SYNE2: variants seen among roughly 807,000 people sequenced by gnomAD.
The protein encoded by SYNE2 is nesprin-2.
A neutral mutation model predicts 856.3 loss-of-function variants in SYNE2; 431 were observed. The ratio of observed to expected loss-of-function variants is 0.50; its 90% CI spans 0.47 to 0.55. SYNE2 has a LOEUF of 0.55. Ranked by LOEUF, SYNE2 falls within the 20% of genes least tolerant of loss-of-function variation. The pLI is 0.00. For synonymous variants in SYNE2, 2,923 were observed against 2,872.3 expected, an observed-to-expected ratio of 1.02 and a Z score of -0.56; for missense variants, 8,129 against 8,023.2, an observed-to-expected ratio of 1.01 and a Z score of -0.50.
intron 45 of SYNE2, among the ~76,000 whole-genome samples, chr14:64,042,817 C>T (rs911750744): frequency 1.9e-4 from 29 of 152,108 alleles, no homozygotes; most frequent in African/African-American, 7.0e-4. Flanking sequence ...TGAGAACAAA[C>T]TAATACCGTA....
intron 45 of SYNE2, among the ~76,000 whole-genome samples, chr14:64,041,327 A>T (rs1004059294): frequency 9.2e-5 from 14 of 152,310 alleles, no homozygotes; most frequent in Non-Finnish European, 5.9e-5. Context: ...AAGAGAGACA[A>T]ATTTTGACTA....
intron 19 of SYNE2, among the ~76,000 whole-genome samples, chr14:63,990,022 G>A (rs2096655064): frequency 6.6e-6 from 1 of 152,078 alleles, no homozygotes; most frequent in African/African-American, 2.4e-5. Flanking sequence ...ATTTATTTTT[G>A]TTATGATATA....
At chr14:63,884,460 C>T (rs1033470165) in intron 1 of SYNE2, among the ~76,000 whole-genome samples, 2 of 152,084 alleles carry the variant, frequency 1.3e-5, no homozygotes, top group Admixed American at 1.3e-4. Flanking sequence ...GAAAGCGGTA[C>T]TGTAAGGAGC....
intron 66 of SYNE2, among the ~76,000 whole-genome samples, chr14:64,114,621 A>G (rs1442258097): frequency 6.7e-6 from 1 of 149,712 alleles, no homozygotes; most frequent in East Asian, 2.0e-4. Context: ...CTCAAAAGTC[A>G]GTTCTTTTTT....
chr14:63,867,643 A>G, intron 1 of SYNE2, among the ~76,000 whole-genome samples: 1 of 152,308 alleles, frequency 6.6e-6, no homozygotes, highest in South Asian at 2.1e-4. Context: ...GGTTGCAGTA[A>G]GCCGAGGTCA....
In SYNE2 at chr14:64,030,001, G is replaced by T; in HGVS notation, c.6821G>T (p.Ser2274Ile). ...TLDNFSKEFV[S>I]FSDKPVDQIA... Reference sequence around the variant, plus strand: ...GACAATTTCTCCAAGGAATTTGTCAGTTTTTCTGATAAGCCTGTGGATCAA... The same window carrying T: ...GACAATTTCTCCAAGGAATTTGTCATTTTTTCTGATAAGCCTGTGGATCAA... Residue 2274 changes from serine to isoleucine, a missense_variant, in exon 44 of 116, where the codon AGT (serine) becomes ATT (isoleucine). Ser to Ile is a moderately radical substitution (Grantham distance 142). Coordinates refer to ENST00000555002, the MANE Select transcript of SYNE2 (RefSeq NM_182914.3). 2 of 1,614,104 alleles carry T rather than the reference G, an allele frequency of 1.2e-6. No homozygotes were observed. Among genetic ancestry groups the T allele is most frequent in the Non-Finnish European group, 1.7e-6 (2 of 1,179,994 alleles).
intron 51 of SYNE2, among the ~76,000 whole-genome samples, chr14:64,066,490 GA>G (rs1018422681): frequency 2.6e-5 from 4 of 152,162 alleles, no homozygotes; most frequent in Admixed American, 2.0e-4. Flanking sequence ...GCAACAGAGT[GA>G]GACACTGTCT....
chr14:63,866,254 A>G (rs146094727), intron 1 of SYNE2, among the ~76,000 whole-genome samples: 57 of 152,348 alleles, frequency 3.7e-4, no homozygotes, highest in African/African-American at 1.3e-3. Flanking sequence ...GGAACTTGAG[A>G]TGTCAGACTA....
chr14:63,978,375 G>A (rs971269968), intron 13 of SYNE2, among the ~76,000 whole-genome samples: 16 of 152,214 alleles, frequency 1.1e-4, no homozygotes, highest in African/African-American at 3.9e-4. Context: ...AATGGGAGGA[G>A]GGATATGAAA....
rs886976832 is a variant in SYNE2, at chr14:64,027,427, A to G, written c.6405-57A>G. ...GGATGTGTGTTACATAATATGCAAA[A>G]TGCTAGTCCATTTTGCTAAATATCA... On this transcript the variant is annotated intron_variant, in intron 42 of 115. Transcript: ENST00000555002. 12 of 1,138,368 alleles carry G rather than the reference A, an allele frequency of 1.1e-5. No individual in the cohort carries two copies. The Admixed American group carries it at 2.6e-4, about 25-fold the overall frequency. The allele number at this position is 1,138,368 out of a possible 1,614,324, so 70.5% of individuals were successfully genotyped here.
intron 79 of SYNE2, among the ~76,000 whole-genome samples, chr14:64,138,936 G>A (rs953353162): frequency 7.0e-6 from 1 of 142,804 alleles, no homozygotes; most frequent in Non-Finnish European, 1.5e-5. Flanking sequence ...GTGTGTGTGT[G>A]TGTATGTATG....
rs2097229779 is a variant in SYNE2, at chr14:64,051,837, C to CTGCAACATCTACAGT, written c.7931_7932insTCTACAGTTGCAACA (p.Gln2643_Gln2644insHisLeuGlnLeuGln). 2.5e-6 allele frequency: 4 copies of CTGCAACATCTACAGT among 1,613,978 alleles called. No homozygotes were observed. Among genetic ancestry groups the CTGCAACATCTACAGT allele is most frequent in the Admixed American group, 3.3e-5 (2 of 60,008 alleles). ...TAAGGTACAGGACACTGAGATTTCT[C>CTGCAACATCTACAGT]TGCAACAGCAGCAGCAACATCTACA... On this transcript the variant is annotated inframe_insertion, in exon 48 of 116. Coordinates refer to ENST00000555002, the MANE Select transcript of SYNE2 (RefSeq NM_182914.3).
intron 60 of SYNE2, among the ~76,000 whole-genome samples, chr14:64,091,917 C>T (rs78234319): frequency 0.032 from 4,822 of 151,968 alleles, 109 homozygotes; most frequent in Admixed American, 0.065. Flanking sequence ...ATATGTTTTT[C>T]CCTCTTAAAT....
chr14:64,083,881 C>T (rs551986149), intron 57 of SYNE2, among the ~76,000 whole-genome samples: 1 of 152,100 alleles, frequency 6.6e-6, no homozygotes, highest in Non-Finnish European at 1.5e-5. Context: ...GTAAGAATAA[C>T]TGAAACATAC....
chr14:64,074,494 C>G (rs1024120692), intron 53 of SYNE2, among the ~76,000 whole-genome samples: 2 of 152,176 alleles, frequency 1.3e-5, no homozygotes, highest in African/African-American at 4.8e-5. Flanking sequence ...CTGACAGGGT[C>G]TATGTACACC....
intron 1 of SYNE2, among the ~76,000 whole-genome samples, chr14:63,873,216 A>G (rs2094629128): frequency 1.3e-5 from 2 of 152,362 alleles, no homozygotes; most frequent in South Asian, 2.1e-4. Flanking sequence ...TGTGAAGTAC[A>G]TAAGTAGAAT....
In SYNE2 at chr14:64,110,304, A is replaced by G. The variant is rs562676644; in HGVS notation, c.12609+2697A>G. Reference sequence around the variant, plus strand: ...TTACTGATTACTTCACTGATTACTTAGATCAGTGTTGTGTTGATGCAGAAG... The same window carrying G: ...TTACTGATTACTTCACTGATTACTTGGATCAGTGTTGTGTTGATGCAGAAG... On this transcript the variant is annotated intron_variant, in intron 65 of 115. Coordinates refer to ENST00000555002, the MANE Select transcript of SYNE2 (RefSeq NM_182914.3). Among the ~76,000 whole-genome samples, 3 of 152,320 alleles carry G rather than the reference A, an allele frequency of 2.0e-5. No individual in the cohort carries two copies. In the South Asian group the frequency reaches 6.2e-4, roughly 32 times the overall value.
intron 79 of SYNE2, 58 bp downstream of exon 79, chr14:64,138,041 G>T (rs1420027867): frequency 1.3e-6 from 2 of 1,560,570 alleles, no homozygotes; most frequent in African/African-American, 1.4e-5. Context: ...AGACCTCGGG[G>T]ATTCTGTAGT....
At chr14:64,078,410 A>G (rs1401713118) in intron 54 of SYNE2, 56 bp from the exon 55 acceptor site, 11 of 1,607,524 alleles carry the variant, frequency 6.8e-6, no homozygotes, top group Admixed American at 5.0e-5. Context: ...GTTCGAACCT[A>G]TGAATAAAGT....
Sources: gnomAD v4.1 joint callset for allele counts (sites outside exome capture counted in the v4.1 genomes callset) on GRCh38, gnomAD v4.1.1 for gene constraint, MANE v1.5 for transcripts, NCBI Gene and HGNC (gene_info 2026-07-23, HGNC 2026-07-21) for gene names.